The following CENPH variants were observed in gnomAD, a reference collection of about 807,000 sequenced individuals.
CENPH encodes the protein CENP-H.
Under a neutral mutation model 42.9 loss-of-function variants are expected in CENPH, and 40 were observed. That is an observed-to-expected ratio of 0.93 (90% CI 0.72 to 1.21). The LOEUF (loss-of-function observed/expected upper bound fraction) is 1.21, where lower values mean the gene tolerates loss of function less well. CENPH is among the 50% of genes most tolerant of loss of function. The pLI, the probability that CENPH is intolerant of heterozygous loss-of-function variation, is 0.00. For missense variants in CENPH, 302 were observed against 292.9 expected (o/e 1.03, Z -0.23); for synonymous variants, 88 against 96.5 (o/e 0.91, Z 0.52).
At chr5:69,192,242 T>C (rs1747884877) in intron 2 of CENPH, among the ~76,000 whole-genome samples, 1 of 152,206 alleles carries the variant, frequency 6.6e-6, no homozygotes, top group Non-Finnish European at 1.5e-5. Context: ...CTAAGTGTGC[T>C]GAAGGAAACA....
At chr5:69,204,730 G>A (rs545025320) in intron 7 of CENPH, among the ~76,000 whole-genome samples, 65 of 144,956 alleles carry the variant, frequency 4.5e-4, no homozygotes, top group African/African-American at 1.5e-3. Context: ...TCAGCTTCCC[G>A]GGTAGCTGGG....
intron 5 of CENPH, among the ~76,000 whole-genome samples, chr5:69,201,890 G>C (rs1312377664): frequency 6.6e-6 from 1 of 152,172 alleles, no homozygotes; most frequent in Non-Finnish European, 1.5e-5. Flanking sequence ...ACACAAGCAA[G>C]AGTGAACCTT....
chr5:69,209,856 A>G lies in CENPH; in HGVS notation c.*57A>G. ...CTGGCAATCTCAACTCTTATTTGGA[A>G]TACTTCTGTGCATTTGTCTGTCCAC... On this transcript the variant is annotated 3_prime_UTR_variant, in exon 9 of 9. Coordinates refer to ENST00000283006, the MANE Select transcript of CENPH (RefSeq NM_022909.4). The G allele has an allele frequency of 3.1e-6, 3 of 974,840 alleles. No individual in the cohort carries two copies. Among genetic ancestry groups the G allele is most frequent in the Non-Finnish European group, 4.9e-6 (3 of 609,106 alleles). 60.4% of individuals were successfully genotyped at this position (974,840 alleles called of 1,614,324 possible).
intron 5 of CENPH, among the ~76,000 whole-genome samples, chr5:69,198,551 A>G (rs183117570): frequency 1.6e-4 from 24 of 152,324 alleles, no homozygotes; most frequent in Non-Finnish European, 3.1e-4. Context: ...CCACACTGCT[A>G]CACATTTTCC....
rs774882575 is a variant in CENPH at position 69,209,355 on chromosome 5, C to G, written c.652-352C>G. Reference sequence around the variant, plus strand: ...GGCCAAGAGACCAGCTGAGCCAATACGTTGAAACCCTGTCTCTACTAAAAA... The same window carrying G: ...GGCCAAGAGACCAGCTGAGCCAATAGGTTGAAACCCTGTCTCTACTAAAAA... On this transcript the variant is annotated intron_variant, in intron 8 of 8. Transcript: ENST00000283006. 2.0e-5 allele frequency among the ~76,000 whole-genome samples: 3 copies of G among 151,750 alleles called. No homozygotes were observed. The South Asian group carries it at 6.3e-4, about 32-fold the overall frequency.
intron 4 of CENPH, among the ~76,000 whole-genome samples, chr5:69,196,658 A>C (rs1561322127): frequency 6.6e-6 from 1 of 152,174 alleles, no homozygotes; most frequent in Admixed American, 6.5e-5. Context: ...AAAAACAAAA[A>C]AAAAGTTTTA....
intron 4 of CENPH, among the ~76,000 whole-genome samples, chr5:69,196,128 T>TG (rs748574550): frequency 6.6e-6 from 1 of 151,880 alleles, no homozygotes; most frequent in Non-Finnish European, 1.5e-5. Flanking sequence ...TTTATGGAGA[T>TG]GGGGTCTCAC....
At chr5:69,193,044 G>C (rs538616325) in intron 2 of CENPH, among the ~76,000 whole-genome samples, 1 of 151,658 alleles carries the variant, frequency 6.6e-6, no homozygotes, top group Admixed American at 6.6e-5. Context: ...TTGCAGTGAC[G>C]CGAGATCACG....
At chr5:69,200,717 A>ATTTTTTTTTTTTTTTTTT (rs1554058445) in intron 5 of CENPH, among the ~76,000 whole-genome samples, 1 of 40,976 alleles carries the variant, frequency 2.4e-5, no homozygotes, top group Non-Finnish European at 5.8e-5. Context: ...GAATCAGCGT[A>ATTTTTTTTTTTTTTTTTT]TCTTTTTTTT....
At chr5:69,199,034 G>T (rs150364904) in intron 5 of CENPH, among the ~76,000 whole-genome samples, 1 of 152,176 alleles carries the variant, frequency 6.6e-6, no homozygotes, top group Non-Finnish European at 1.5e-5. Flanking sequence ...AAATGTCAGG[G>T]CTTTGGTCTA....
chr5:69,192,692 C>G (rs986963992), intron 2 of CENPH, among the ~76,000 whole-genome samples: 1 of 152,136 alleles, frequency 6.6e-6, no homozygotes, highest in African/African-American at 2.4e-5. Context: ...ACATCCAACT[C>G]CTGGGCTCAA....
At position 69,209,821 on chromosome 5, in the gene CENPH, T is replaced by C. The variant is rs767304204; in HGVS notation, c.*22T>C. On this transcript the variant is annotated 3_prime_UTR_variant, in exon 9 of 9. Coordinates refer to ENST00000283006, the MANE Select transcript of CENPH (RefSeq NM_022909.4). Reference sequence around the variant, plus strand: ...GTAATAAGAATTCATTTCTGACATATTTTACATTTCTGGCAATCTCAACTC... The same window carrying C: ...GTAATAAGAATTCATTTCTGACATACTTTACATTTCTGGCAATCTCAACTC... 2 of 1,370,688 alleles carry C rather than the reference T, an allele frequency of 1.5e-6. No homozygotes were observed. Among genetic ancestry groups the C allele is most frequent in the Non-Finnish European group, 1.0e-6 (1 of 965,876 alleles). The allele number at this position is 1,370,688 out of a possible 1,614,324, so 84.9% of individuals were successfully genotyped here. A position where few individuals can be genotyped will look rare whatever the true frequency, so the allele number is the denominator to read the frequency against.
At position 69,202,537 on chromosome 5, in the gene CENPH, G is replaced by T; in HGVS notation, c.403G>T (p.Glu135Ter). The T allele has an allele frequency of 6.4e-7, 1 of 1,570,126 alleles. No individual in the cohort carries two copies. The highest frequency in any genetic ancestry group is 1.1e-5 in the South Asian group (1 of 87,514). ...VLMDNMKHLL[E>*]LNKLIMKSQQ... ...CATGGATAACATGAAACACCTATTA[G>T]AGCTAAATAAATTAATAATGAAATC... Residue 135 changes from glutamate to a stop codon, truncating the protein, a stop_gained, in exon 6 of 9, where the codon GAG becomes TAG. Transcript: ENST00000283006. LOFTEE classifies it high-confidence loss of function.
At chr5:69,201,670 G>C (rs1748061049) in intron 5 of CENPH, among the ~76,000 whole-genome samples, 1 of 152,088 alleles carries the variant, frequency 6.6e-6, no homozygotes, top group Non-Finnish European at 1.5e-5. Context: ...ACCAGTCTGG[G>C]CAACATAGGG....
At chr5:69,206,150 CCTGT>C (rs981382416) in intron 7 of CENPH, among the ~76,000 whole-genome samples, 5 of 151,546 alleles carry the variant, frequency 3.3e-5, no homozygotes, top group African/African-American at 1.2e-4. Context: ...CAGACGGGAT[CCTGT>C]GATCCACTGT....
intron 5 of CENPH, among the ~76,000 whole-genome samples, chr5:69,199,242 G>T (rs1219538887): frequency 6.6e-6 from 1 of 152,150 alleles, no homozygotes; most frequent in Admixed American, 6.5e-5. Context: ...GCAGTGGCGT[G>T]ATCCTAGCTC....
intron 7 of CENPH, among the ~76,000 whole-genome samples, chr5:69,205,613 G>A (rs770868150): frequency 2.0e-5 from 3 of 151,142 alleles, no homozygotes; most frequent in African/African-American, 7.3e-5. Flanking sequence ...TCCTGGACTC[G>A]AGCAATCCTT....
At chr5:69,205,922 G>A (rs1470271906) in intron 7 of CENPH, among the ~76,000 whole-genome samples, 1 of 150,482 alleles carries the variant, frequency 6.6e-6, no homozygotes, top group East Asian at 2.0e-4. Context: ...TATTAGCTAG[G>A]ATGGTCTCCA....
At chr5:69,196,937 C>A in intron 4 of CENPH, 116 bp from the exon 5 acceptor site, 1 of 588,670 alleles carries the variant, frequency 1.7e-6, no homozygotes, top group Non-Finnish European at 2.9e-6. Context: ...ATTTTAAAAC[C>A]TACTTCTGTT....
Sources: allele counts gnomAD v4.1 joint callset (sites outside exome capture counted in the v4.1 genomes callset), GRCh38; gene constraint gnomAD v4.1.1; transcripts MANE v1.5; gene names NCBI Gene and HGNC (gene_info 2026-07-23, HGNC 2026-07-21).